The following GNG2 variants were observed in gnomAD, a reference collection of about 807,000 sequenced individuals.
GNG2 encodes the protein G protein subunit gamma 2.
In GNG2, 5 loss-of-function variants were observed where a neutral mutation model predicts 5.5. That is an observed-to-expected ratio of 0.91 (90% CI 0.48 to 1.92). The LOEUF (loss-of-function observed/expected upper bound fraction) is 1.92, where lower values mean the gene tolerates loss of function less well. Ranked by LOEUF, GNG2 falls within the 30% of genes most tolerant of loss-of-function variation. GNG2 has a pLI of 0.01. For synonymous variants in GNG2, 28 were observed against 32.0 expected (o/e 0.88, Z 0.42); for missense variants, 55 against 88.4 (o/e 0.62, Z 1.52).
chr14:51,888,577 C>G (rs1884621367), intron 2 of GNG2, among the ~76,000 whole-genome samples: 1 of 152,186 alleles, frequency 6.6e-6, no homozygotes, highest in African/African-American at 2.4e-5. Context: ...ACCTCAGCCT[C>G]AATTTTTTAA....
intron 2 of GNG2, among the ~76,000 whole-genome samples, chr14:51,854,387 A>G (rs1882051871): frequency 6.6e-6 from 1 of 152,198 alleles, no homozygotes; most frequent in Admixed American, 6.5e-5. Context: ...AGAAACATAC[A>G]AGGCAGCCCT....
intron 3 of GNG2, among the ~76,000 whole-genome samples, chr14:51,966,231 A>AAAAAAAAAAAAAAAAAAAAAAAAAAAAG: frequency 9.2e-6 from 1 of 108,498 alleles, no homozygotes; most frequent in Non-Finnish European, 2.0e-5. Flanking sequence ...AAAAAAAAAA[A>AAAAAAAAAAAAAAAAAAAAAAAAAAAAG]AAAAAACAAA....
At chr14:51,931,740 C>G (rs1189069935) in intron 2 of GNG2, among the ~76,000 whole-genome samples, 4 of 152,062 alleles carry the variant, frequency 2.6e-5, no homozygotes, top group Non-Finnish European at 5.9e-5. Context: ...CTGGTGAGAA[C>G]GTAAAATGGT....
intron 2 of GNG2, among the ~76,000 whole-genome samples, chr14:51,932,694 T>C (rs1260715836): frequency 6.6e-6 from 1 of 152,080 alleles, no homozygotes; most frequent in Non-Finnish European, 1.5e-5. Context: ...CGAAGTCAAG[T>C]GAAGAAATTG....
At chr14:51,834,657 T>C (rs987017544) in intron 2 of GNG2, among the ~76,000 whole-genome samples, 1 of 152,216 alleles carries the variant, frequency 6.6e-6, no homozygotes, top group African/African-American at 2.4e-5. Context: ...AAAGCCATTT[T>C]TACTTTCCAG....
chr14:51,940,409 T>C (rs1313728494), intron 2 of GNG2: 1 of 152,154 alleles, frequency 6.6e-6, no homozygotes, highest in East Asian at 1.9e-4. Context: ...ACCCTTTATC[T>C]CCAAGCTAGT....
intron 1 of GNG2, among the ~76,000 whole-genome samples, chr14:51,826,659 C>A (rs928158538): frequency 6.6e-6 from 1 of 152,146 alleles, no homozygotes; most frequent in African/African-American, 2.4e-5. Context: ...AAGAGGGAAG[C>A]AAGGGTGTGG....
chr14:51,887,018 G>A (rs1429634639), intron 2 of GNG2, among the ~76,000 whole-genome samples: 1 of 152,134 alleles, frequency 6.6e-6, no homozygotes, highest in African/African-American at 2.4e-5. Flanking sequence ...GTTTAAACCA[G>A]CTTTCACATT....
At chr14:51,858,802 T>C (rs938331718), upstream of GNG2, among the ~76,000 whole-genome samples, 1 of 152,244 alleles carries the variant, frequency 6.6e-6, no homozygotes, top group East Asian at 1.9e-4. Context: ...ACTGCATTTC[T>C]ATCTGCTGGT....
At chr14:51,912,845 GT>G (rs2140205782) in intron 2 of GNG2, among the ~76,000 whole-genome samples, 1 of 151,548 alleles carries the variant, frequency 6.6e-6, no homozygotes, top group African/African-American at 2.4e-5. Flanking sequence ...GGTTTTGGGG[GT>G]GGGGGTGGGG....
chr14:51,963,389 C>T (rs753420498), intron 3 of GNG2, among the ~76,000 whole-genome samples: 1 of 152,130 alleles, frequency 6.6e-6, no homozygotes, highest in Non-Finnish European at 1.5e-5. Context: ...TGCTTCTCCT[C>T]GTAACAAATG....
rs575344152 is a variant in GNG2 at position 51,855,371 on chromosome 14, C to A, written c.64+27564C>A. Among the ~76,000 whole-genome samples, 16 of 152,298 alleles carry A rather than the reference C, an allele frequency of 1.1e-4. No homozygotes were observed. The South Asian group carries it at 3.1e-3, about 30-fold the overall frequency. On this transcript the variant is annotated intron_variant, in intron 2 of 3. Coordinates refer to the GNG2 transcript ENST00000553432. The stretch of plus-strand genomic sequence containing the variant: ...AGAAAGATTAGTTCTGCCCACCCAC[C>A]CCCTGACTCTCTTCGAGCCAAATAT...
At chr14:51,866,426 G>A (rs116737163) in intron 1 of GNG2, among the ~76,000 whole-genome samples, 1,887 of 152,294 alleles carry the variant, frequency 0.012, 44 homozygotes, top group African/African-American at 0.043. Context: ...CTCACTTTCT[G>A]TCTTTCTGAG....
intron 2 of GNG2, among the ~76,000 whole-genome samples, chr14:51,933,717 G>A (rs1403053228): frequency 1.3e-5 from 2 of 152,194 alleles, no homozygotes; most frequent in Admixed American, 1.3e-4. Context: ...TTACCACAAG[G>A]GAAGAGAAGG....
At position 51,919,394 on chromosome 14, in the gene GNG2, A is replaced by C. The variant is rs544693894; in HGVS notation, c.-29-31256A>C. 3.9e-5 allele frequency among the ~76,000 whole-genome samples: 6 copies of C among 152,376 alleles called. No individual in the cohort carries two copies. In the South Asian group the frequency reaches 8.3e-4, roughly 21 times the overall value. On this transcript the variant is annotated intron_variant, in intron 2 of 3. Coordinates refer to ENST00000556766, the MANE Select transcript of GNG2 (RefSeq NM_053064.5). The stretch of plus-strand genomic sequence containing the variant: ...GTTTTTGAACATCTTTAAAGTCTTT[A>C]AACATAGCTCTTTACATATAAATTT...
At chr14:51,910,924 A>G (rs1450157475) in intron 2 of GNG2, among the ~76,000 whole-genome samples, 1 of 152,258 alleles carries the variant, frequency 6.6e-6, no homozygotes, top group East Asian at 1.9e-4. Context: ...ACATGGAATT[A>G]GCTGACAGAG....
intron 2 of GNG2, among the ~76,000 whole-genome samples, chr14:51,829,983 C>T (rs953399076): frequency 4.6e-5 from 7 of 152,100 alleles, no homozygotes; most frequent in Non-Finnish European, 7.4e-5. Context: ...GCTGGGACAA[C>T]AGGCGTGCAC....
At chr14:51,856,924 A>T (rs1882189433), upstream of GNG2, among the ~76,000 whole-genome samples, 1 of 151,976 alleles carries the variant, frequency 6.6e-6, no homozygotes, top group African/African-American at 2.4e-5. Context: ...AGAGGGAGGG[A>T]TTTTATTTCT....
chr14:51,914,559 AC>A (rs1886498333), intron 2 of GNG2, among the ~76,000 whole-genome samples: 1 of 152,158 alleles, frequency 6.6e-6, no homozygotes, highest in Non-Finnish European at 1.5e-5. Flanking sequence ...CTTTAACTAG[AC>A]CACATGAGTA....
Sources: allele counts gnomAD v4.1 joint callset (sites outside exome capture counted in the v4.1 genomes callset), GRCh38; gene constraint gnomAD v4.1.1; transcripts MANE v1.5; gene names NCBI Gene and HGNC (gene_info 2026-07-23, HGNC 2026-07-21).